The following TMEM229B variants were observed in gnomAD, a reference collection of about 807,000 sequenced individuals.
The protein encoded by TMEM229B is chromosome 14 open reading frame 83.
A neutral mutation model predicts 13.7 loss-of-function variants in TMEM229B; 6 were observed. That is an observed-to-expected ratio of 0.44 (90% CI 0.24 to 0.86). The LOEUF is 0.86. Ranked by LOEUF, TMEM229B falls within the 40% of genes least tolerant of loss-of-function variation. The pLI, the probability that TMEM229B is intolerant of heterozygous loss-of-function variation, is 0.23. For missense variants in TMEM229B, 170 were observed against 236.0 expected, an observed-to-expected ratio of 0.72 and a Z score of 1.83; for synonymous variants, 107 against 102.1, an observed-to-expected ratio of 1.05 and a Z score of -0.29.
At chr14:67,515,397 A>G in exon 1 of TMEM229B, 1 of 177,666 alleles carries the variant, frequency 5.6e-6, no homozygotes, top group Non-Finnish European at 1.1e-5. Flanking sequence ...GCCCGGGAGG[A>G]AAGGAGCCCC....
intron 1 of TMEM229B, among the ~76,000 whole-genome samples, chr14:67,526,585 T>C (rs2033371038): frequency 1.3e-5 from 2 of 152,170 alleles, no homozygotes; most frequent in African/African-American, 2.4e-5. Flanking sequence ...GATAAAAATA[T>C]GCATAGTTTA....
intron 2 of TMEM229B, among the ~76,000 whole-genome samples, chr14:67,481,841 G>A (rs755013140): frequency 1.2e-4 from 18 of 152,318 alleles, no homozygotes; most frequent in East Asian, 3.9e-4. Flanking sequence ...AGGGAGAACC[G>A]GCAGCTCAGG....
At chr14:67,521,359 C>T (rs547217194) in intron 1 of TMEM229B, among the ~76,000 whole-genome samples, 2 of 152,116 alleles carry the variant, frequency 1.3e-5, no homozygotes, top group South Asian at 2.1e-4. Context: ...TAAAATGTCA[C>T]AGAGGGATGG....
Position 67,472,064 on chromosome 14 carries a change from C to A in TMEM229B, c.*1356G>T, listed in dbSNP as rs1358834100. ...GGGCAGGGGAACCAAGGTGCCAATGCCCATGAGTGTGGCAGGGTTAATACT... is the reference window on the plus strand; with the variant it reads ...GGGCAGGGGAACCAAGGTGCCAATGACCATGAGTGTGGCAGGGTTAATACT... On this transcript the variant is annotated 3_prime_UTR_variant, in exon 3 of 3. Coordinates refer to ENST00000554480, the MANE Select transcript of TMEM229B (RefSeq NM_001348543.2). The A allele has an allele frequency of 6.6e-6, 1 of 152,282 alleles. No individual in the cohort carries two copies. Among genetic ancestry groups the A allele is most frequent in the Non-Finnish European group, 1.5e-5 (1 of 68,116 alleles). 9.4% of individuals were successfully genotyped at this position (152,282 alleles called of 1,614,324 possible).
chr14:67,498,735 G>A (rs11158671), intron 1 of TMEM229B, among the ~76,000 whole-genome samples: 59,952 of 151,472 alleles, frequency 0.4, 13,464 homozygotes, highest in South Asian at 0.54. Flanking sequence ...GCGTGATCTC[G>A]GCTCACCGCA....
In TMEM229B at chr14:67,496,391, G is replaced by GTTTTTTTTTTTTTTT. The variant is rs555715850; in HGVS notation, c.-191-9234_-191-9220dup. On this transcript the variant is annotated intron_variant, in intron 1 of 2. Transcript: ENST00000357461. ...TACAGGTGTGAGCCACTGCTCCGGCGTTTTTTTTTTTTTTTTTTTTTTTTT... is the reference window on the plus strand; with the variant it reads ...TACAGGTGTGAGCCACTGCTCCGGCGTTTTTTTTTTTTTTTTTTTTTTTTTTTTTTTTTTTTTTTT... 3.0e-4 allele frequency among the ~76,000 whole-genome samples: 9 copies of GTTTTTTTTTTTTTTT among 30,106 alleles called. 4 individuals are homozygous for GTTTTTTTTTTTTTTT. Among genetic ancestry groups the GTTTTTTTTTTTTTTT allele is most frequent in the East Asian group, 2.4e-3 (2 of 830 alleles). The allele number at this position is 30,106 out of a possible 152,430, so 19.8% of individuals were successfully genotyped here. A position where few individuals can be genotyped will look rare whatever the true frequency, so the allele number is the denominator to read the frequency against.
intron 2 of TMEM229B, among the ~76,000 whole-genome samples, chr14:67,483,102 C>T (rs868398039): frequency 6.6e-6 from 1 of 152,024 alleles, no homozygotes; most frequent in African/African-American, 2.4e-5. Context: ...CCTCTGTCGC[C>T]CGGGTTCAAG....
At chr14:67,488,389 C>T (rs147344041) in intron 1 of TMEM229B, 119 bp downstream of exon 1, 1 of 152,278 alleles carries the variant, frequency 6.6e-6, no homozygotes, top group African/African-American at 2.4e-5. Context: ...CCCTGGGTCT[C>T]CCCCCGGGGC....
rs2030616505 is a variant in TMEM229B, at chr14:67,470,303, A to G, written c.*3117T>C. 6.6e-6 allele frequency: 1 copy of G among 152,228 alleles called. No individual in the cohort carries two copies. The highest frequency in any genetic ancestry group is 2.4e-5 in the African/African-American group (1 of 41,434). 9.4% of individuals were successfully genotyped at this position (152,228 alleles called of 1,614,324 possible). A position where few individuals can be genotyped will look rare whatever the true frequency, so the allele number is the denominator to read the frequency against. On this transcript the variant is annotated 3_prime_UTR_variant, in exon 3 of 3. Transcript: ENST00000554480. Reference sequence around the variant, plus strand: ...AACACCAGTATATTTTATGTGCACAAATGTGAAAAGGAAGAGACAGAGGGA... The same window carrying G: ...AACACCAGTATATTTTATGTGCACAGATGTGAAAAGGAAGAGACAGAGGGA...
At chr14:67,522,905 C>T (rs1288485067) in intron 1 of TMEM229B, among the ~76,000 whole-genome samples, 1 of 152,234 alleles carries the variant, frequency 6.6e-6, no homozygotes, top group Non-Finnish European at 1.5e-5. Context: ...TTGATGATCC[C>T]AGAGACTCTA....
At chr14:67,492,958 A>C (rs1046244050), upstream of TMEM229B, among the ~76,000 whole-genome samples, 2 of 152,184 alleles carry the variant, frequency 1.3e-5, no homozygotes, top group Non-Finnish European at 2.9e-5. Flanking sequence ...GAAGATGGGG[A>C]AGGCCAGGTG....
At chr14:67,485,464 T>C (rs575515503) in intron 2 of TMEM229B, among the ~76,000 whole-genome samples, 1 of 152,330 alleles carries the variant, frequency 6.6e-6, no homozygotes, top group African/African-American at 2.4e-5. Context: ...AAGACCTGAT[T>C]ACCCCTTTTC....
At chr14:67,511,522 A>C (rs2033025918) in intron 1 of TMEM229B, among the ~76,000 whole-genome samples, 1 of 151,992 alleles carries the variant, frequency 6.6e-6, no homozygotes, top group Admixed American at 6.6e-5. Context: ...AAAATATTAA[A>C]CTCCCTACTG....
At chr14:67,499,779 G>A (rs1026256598) in intron 1 of TMEM229B, among the ~76,000 whole-genome samples, 1 of 152,054 alleles carries the variant, frequency 6.6e-6, no homozygotes, top group Non-Finnish European at 1.5e-5. Context: ...GTTATTTAAT[G>A]GTGGGGGAAA....
chr14:67,503,250 G>T (rs2032682283), intron 1 of TMEM229B, among the ~76,000 whole-genome samples: 1 of 152,208 alleles, frequency 6.6e-6, no homozygotes, highest in Admixed American at 6.5e-5. Flanking sequence ...AGCAGAGATG[G>T]TCTCTGGCTT....
intron 2 of TMEM229B, among the ~76,000 whole-genome samples, chr14:67,481,331 A>G (rs1049112223): frequency 1.1e-4 from 16 of 152,166 alleles, no homozygotes; most frequent in African/African-American, 3.9e-4. Context: ...TGGGGGAGAG[A>G]GAAATATGGT....
chr14:67,506,925 A>G (rs1316071174), intron 1 of TMEM229B, among the ~76,000 whole-genome samples: 1 of 152,214 alleles, frequency 6.6e-6, no homozygotes, highest in Non-Finnish European at 1.5e-5. Flanking sequence ...CAAAGGTTGC[A>G]GTGAGCTGAG....
chr14:67,497,717 G>A (rs1336814532), intron 1 of TMEM229B, among the ~76,000 whole-genome samples: 2 of 152,186 alleles, frequency 1.3e-5, no homozygotes, highest in African/African-American at 2.4e-5. Context: ...ACTGTACTTT[G>A]TGTTCTTTTG....
At chr14:67,511,355 A>G (rs1594715165) in intron 1 of TMEM229B, among the ~76,000 whole-genome samples, 1 of 23,124 alleles carries the variant, frequency 4.3e-5, no homozygotes, top group South Asian at 1.9e-3. Context: ...TTAAAAAAAC[A>G]AAAAAACAAA....
Sources: gnomAD v4.1 joint callset for allele counts (sites outside exome capture counted in the v4.1 genomes callset) on GRCh38, gnomAD v4.1.1 for gene constraint, MANE v1.5 for transcripts, NCBI Gene and HGNC (gene_info 2026-07-23, HGNC 2026-07-21) for gene names.